Variants in KDM4A observed in about 807,000 individuals in gnomAD.
KDM4A encodes lysine demethylase 4A.
In KDM4A, 23 loss-of-function variants were observed where a neutral mutation model predicts 127.1. The ratio of observed to expected loss-of-function variants is 0.18; its 90% CI spans 0.13 to 0.26. The LOEUF is 0.26. Ranked by LOEUF, KDM4A falls within the 10% of genes least tolerant of loss-of-function variation. The pLI is 1.00. For synonymous variants in KDM4A, 443 were observed against 466.5 expected (o/e 0.95, Z 0.65); for missense variants, 890 against 1,329.1 (o/e 0.67, Z 5.14).
intron 3 of KDM4A, among the ~76,000 whole-genome samples, chr1:43,659,862 C>T (rs1660330698): frequency 6.6e-6 from 1 of 152,156 alleles, no homozygotes; most frequent in Non-Finnish European, 1.5e-5. Flanking sequence ...GAGCAGCTTC[C>T]TTTTGGCTGG....
In KDM4A at chr1:43,689,059, C is replaced by T. The variant is rs547469506; in HGVS notation, c.2001C>T (p.His667=). 56 of 1,614,242 alleles carry T rather than the reference C, an allele frequency of 3.5e-5. No homozygotes were observed. Among genetic ancestry groups the T allele is most frequent in the South Asian group, 6.6e-5 (6 of 91,086 alleles). Residue 667 remains histidine (H), a synonymous_variant, in exon 13 of 22, where the codon CAC becomes CAT. Coordinates refer to ENST00000372396, the MANE Select transcript of KDM4A (RefSeq NM_014663.3). Reference sequence around the variant, plus strand: ...AGACCATGGCCCAACAGGCCCCTCACTGCGCTGTCTGTATGATCTTCCAGA... The same window carrying T: ...AGACCATGGCCCAACAGGCCCCTCATTGCGCTGTCTGTATGATCTTCCAGA... ...FNETMAQQAP[H]CAVCMIFQTY... is the part of the protein sequence containing the mutation.
rs779978360 is a variant in KDM4A, at chr1:43,665,727, T to C, written c.655T>C (p.Leu219=). 2.2e-5 allele frequency: 36 copies of C among 1,613,994 alleles called. No individual in the cohort carries two copies. The highest frequency in any genetic ancestry group is 1.5e-5 in the Non-Finnish European group (18 of 1,180,010). ...YSVPPEHGKR[L]ERLAKGFFPG... is the part of the protein sequence containing the mutation. Reference sequence around the variant, plus strand: ...TGTTCCACCTGAGCATGGAAAGCGGTTGGAACGCCTCGCCAAAGGTACTGT... The same window carrying C: ...TGTTCCACCTGAGCATGGAAAGCGGCTGGAACGCCTCGCCAAAGGTACTGT... Residue 219 remains leucine (L), a synonymous_variant, in exon 6 of 22, where the codon TTG becomes CTG. Transcript: ENST00000372396.
At chr1:43,697,803 A>G (rs1661277214) in intron 18 of KDM4A, 40 bp from the exon 19 acceptor site, 1 of 1,584,776 alleles carries the variant, frequency 6.3e-7, no homozygotes, top group Non-Finnish European at 8.6e-7. Context: ...AGGCCTGCAA[A>G]CTCCACGTGT....
At chr1:43,661,621 A>AG (rs1660381538) in intron 4 of KDM4A, among the ~76,000 whole-genome samples, 2 of 145,844 alleles carry the variant, frequency 1.4e-5, no homozygotes, top group South Asian at 4.4e-4. Flanking sequence ...AAAAAAAAAA[A>AG]AAAAAAAAAA....
At chr1:43,670,490 T>G (rs1660593381) in intron 10 of KDM4A, among the ~76,000 whole-genome samples, 1 of 151,740 alleles carries the variant, frequency 6.6e-6, no homozygotes, top group Non-Finnish European at 1.5e-5. Flanking sequence ...CTTTCTGGGC[T>G]CAAGCAATCC....
Position 43,694,632 on chromosome 1 carries a change from G to A in KDM4A, c.2485-77G>A, listed in dbSNP as rs1661200095. 1 of 1,319,008 alleles carries A rather than the reference G, an allele frequency of 7.6e-7. No homozygotes were observed. Among genetic ancestry groups the A allele is most frequent in the Non-Finnish European group, 1.1e-6 (1 of 940,764 alleles). 81.7% of individuals were successfully genotyped at this position (1,319,008 alleles called of 1,614,324 possible). On this transcript the variant is annotated intron_variant, in intron 17 of 21. Transcript: ENST00000372396. The surrounding 1 kb of genome is among the most constrained non-coding windows in gnomAD (Gnocchi z 5.2). ...GGCTGGCTCTTGCTTGCTTGGCTTT[G>A]CATTTGGGAGGGGAACAACAGAGGA... is the stretch of plus-strand genomic sequence containing the variant.
chr1:43,655,567 T>G, intron 2 of KDM4A, 24 bp from the exon 3 acceptor site: 1 of 1,582,784 alleles, frequency 6.3e-7, no homozygotes, highest in Non-Finnish European at 8.6e-7. Flanking sequence ...TCATCTGTCT[T>G]TTTGTTTCTT....
In KDM4A at chr1:43,704,083, G is replaced by A. The variant is rs771022535; in HGVS notation, c.3025G>A (p.Glu1009Lys). The change falls in exon 21 of 22, where the codon GAG (glutamate) becomes AAG (lysine). Residue 1009 changes from glutamate to lysine, a missense_variant. This residue lies in a region of KDM4A where 246 missense variants were observed against 418.4 expected (regional missense o/e 0.59). Coordinates refer to ENST00000372396, the MANE Select transcript of KDM4A (RefSeq NM_014663.3). ...KRDDVYTLDE[E>K]LPKRVKSRLS... ...AGATGATGTATACACACTGGATGAA[G>A]AGCTTCCCAAGAGAGTCAAATCTAG... The A allele has an allele frequency of 6.2e-7, 1 of 1,614,120 alleles. No individual in the cohort carries two copies. The highest frequency in any genetic ancestry group is 1.1e-5 in the South Asian group (1 of 91,058).
At chr1:43,685,763 CT>C (rs1660959574) in intron 12 of KDM4A, among the ~76,000 whole-genome samples, 2 of 89,100 alleles carry the variant, frequency 2.2e-5, no homozygotes, top group Admixed American at 9.5e-5. Flanking sequence ...GAGTCTCTGT[CT>C]CAACAACAAC....
chr1:43,674,909 C>T (rs1246180510), intron 11 of KDM4A, among the ~76,000 whole-genome samples: 1 of 152,226 alleles, frequency 6.6e-6, no homozygotes, highest in African/African-American at 2.4e-5. Context: ...AGAATGCACT[C>T]CCTCTCCAAA....
At chr1:43,667,702 C>T in intron 8 of KDM4A, 70 bp from the exon 9 acceptor site, 2 of 1,595,890 alleles carry the variant, frequency 1.3e-6, no homozygotes, top group South Asian at 2.3e-5. Flanking sequence ...GAGGGAGGAG[C>T]TAGGACGTGG....
rs570099405 is a variant in KDM4A at position 43,705,168 on chromosome 1, G to A, written c.*798G>A. ...GGGATTTTAATGATGGAAGCAGGCA[G>A]AGCCTGGTGGGTGATTCTGTCAACA... On this transcript the variant is annotated 3_prime_UTR_variant, in exon 22 of 22. Coordinates refer to ENST00000372396, the MANE Select transcript of KDM4A (RefSeq NM_014663.3). The A allele has an allele frequency of 6.6e-6, 1 of 152,288 alleles. No homozygotes were observed. Among genetic ancestry groups the A allele is most frequent in the African/African-American group, 2.4e-5 (1 of 41,546 alleles). 9.4% of individuals were successfully genotyped at this position (152,288 alleles called of 1,614,324 possible). A position where few individuals can be genotyped will look rare whatever the true frequency, so the allele number is the denominator to read the frequency against.
At chr1:43,689,184 T>G in intron 13 of KDM4A, 89 bp downstream of exon 13, 1 of 1,399,988 alleles carries the variant, frequency 7.1e-7, no homozygotes, top group Non-Finnish European at 9.9e-7. Flanking sequence ...TGTCACTGGT[T>G]GTCTTGGGAA....
intron 11 of KDM4A, among the ~76,000 whole-genome samples, chr1:43,675,156 C>T (rs147960301): frequency 4.6e-4 from 70 of 152,348 alleles, no homozygotes; most frequent in African/African-American, 1.4e-3. Context: ...TCTGCTCCAT[C>T]GCCAACCATC....
Position 43,683,706 on chromosome 1 carries a change from C to A in KDM4A, c.1757C>A (p.Ser586Tyr). The A allele has an allele frequency of 6.2e-7, 1 of 1,613,844 alleles. No individual in the cohort carries two copies. Among genetic ancestry groups the A allele is most frequent in the South Asian group, 1.1e-5 (1 of 90,990 alleles). The change falls in exon 12 of 22, where the codon TCC becomes TAC. Residue 586 changes from serine to tyrosine, a missense_variant. Around this residue, in one of 7 missense-constraint regions of KDM4A, gnomAD observed 389 missense variants for 485.9 expected, o/e 0.80. Transcript: ENST00000372396. ...LAEVADEYMF[S>Y]LEENKKSKGR... ...CAGGTTGCAGATGAATACATGTTTT[C>A]CCTAGAAGAGAATAAGAAGTCCAAG... is the stretch of plus-strand genomic sequence containing the variant.
At chr1:43,701,787 T>C (rs1284684059) in intron 19 of KDM4A, among the ~76,000 whole-genome samples, 2 of 152,204 alleles carry the variant, frequency 1.3e-5, no homozygotes, top group Non-Finnish European at 2.9e-5. Flanking sequence ...ATGCCTGGCC[T>C]AGTAATTTTT....
chr1:43,666,075 A>G (rs1267179954), intron 6 of KDM4A, among the ~76,000 whole-genome samples: 1 of 152,240 alleles, frequency 6.6e-6, no homozygotes, highest in African/African-American at 2.4e-5. Flanking sequence ...AAGTGGACTT[A>G]GATTTGTATG....
intron 2 of KDM4A, among the ~76,000 whole-genome samples, chr1:43,655,052 T>A (rs1340261696): frequency 6.6e-6 from 1 of 152,144 alleles, no homozygotes; most frequent in East Asian, 1.9e-4. Flanking sequence ...GGTTTCACCA[T>A]GTTGGCCAAG....
At chr1:43,664,412 A>C (rs1377547827) in intron 5 of KDM4A, among the ~76,000 whole-genome samples, 1 of 152,018 alleles carries the variant, frequency 6.6e-6, no homozygotes, top group Non-Finnish European at 1.5e-5. Flanking sequence ...CTAAAAACAC[A>C]AAATTAGCCA....
Sources: allele counts gnomAD v4.1 joint callset (sites outside exome capture counted in the v4.1 genomes callset), GRCh38; gene constraint gnomAD v4.1.1; regional missense constraint gnomAD v4.1.1; non-coding constraint Gnocchi (gnomAD v3.1); transcripts MANE v1.5; gene names NCBI Gene and HGNC (gene_info 2026-07-23, HGNC 2026-07-21).